Variants in ERC1 observed in about 807,000 individuals in gnomAD.
ERC1 encodes the protein ELKS/RAB6-interacting/CAST family member 1.
Under a neutral mutation model 132.0 loss-of-function variants are expected in ERC1, and 56 were observed. The ratio of observed to expected loss-of-function variants is 0.42; its 90% CI spans 0.34 to 0.53. ERC1 has a LOEUF of 0.53. Among genes scored for constraint, ERC1 ranks in the 20% least tolerant of loss-of-function variants. The pLI, the probability that ERC1 is intolerant of heterozygous loss-of-function variation, is 0.03. For synonymous variants in ERC1, 478 were observed against 476.1 expected (o/e 1.00, Z -0.05); for missense variants, 1,202 against 1,349.9 (o/e 0.89, Z 1.72).
At chr12:1,232,322 A>C (rs182551400) in intron 12 of ERC1, among the ~76,000 whole-genome samples, 5 of 152,340 alleles carry the variant, frequency 3.3e-5, no homozygotes, top group Non-Finnish European at 5.9e-5. Context: ...TTTGAGCTTC[A>C]TGAATCTAGA....
At chr12:1,323,845 A>G (rs2082274096) in intron 15 of ERC1, among the ~76,000 whole-genome samples, 1 of 152,110 alleles carries the variant, frequency 6.6e-6, no homozygotes, top group Non-Finnish European at 1.5e-5. Context: ...ACTACTCCTT[A>G]CCTTGAAAGC....
chr12:1,124,096 A>G (rs1172228415), intron 7 of ERC1, among the ~76,000 whole-genome samples: 1 of 152,240 alleles, frequency 6.6e-6, no homozygotes, highest in Non-Finnish European at 1.5e-5. Context: ...ATAAAGAAGC[A>G]TCAACATAAA....
intron 17 of ERC1, among the ~76,000 whole-genome samples, chr12:1,431,023 C>T (rs1208872056): frequency 6.6e-6 from 1 of 152,096 alleles, no homozygotes; most frequent in Non-Finnish European, 1.5e-5. Context: ...TAGAGAACAC[C>T]GTCTGAATGC....
At chr12:1,315,361 G>GT (rs1446841323) in intron 15 of ERC1, among the ~76,000 whole-genome samples, 2 of 151,400 alleles carry the variant, frequency 1.3e-5, no homozygotes, top group African/African-American at 4.9e-5. Context: ...GTTTTGTTTT[G>GT]TTTTTTTGAG....
intron 2 of ERC1, among the ~76,000 whole-genome samples, chr12:1,063,830 C>T (rs1235984686): frequency 1.3e-5 from 2 of 152,052 alleles, no homozygotes; most frequent in East Asian, 3.9e-4. Context: ...GTAGTGATAA[C>T]ATTTGACTAG....
intron 16 of ERC1, among the ~76,000 whole-genome samples, chr12:1,375,733 CTTTTTTTTTTT>C (rs35535185): frequency 9.3e-6 from 1 of 107,114 alleles, no homozygotes; most frequent in East Asian, 2.5e-4. Context: ...GCTCTTGTTC[CTTTTTTTTTTT>C]TTTTTTTTTT....
rs532047086 is a variant in ERC1, at chr12:1,326,471, A to G, written c.2780+36459A>G. ...TTCATCTGTGTCAAAAAAGGATGCA[A>G]ACTAAGTTTTGATCCTGCCTGATAG... On this transcript the variant is annotated intron_variant, in intron 15 of 18. Transcript: ENST00000360905. Among the ~76,000 whole-genome samples the G allele has an allele frequency of 2.7e-4, 41 of 152,284 alleles. No individual in the cohort carries two copies. In the South Asian group the frequency reaches 8.1e-3, roughly 30 times the overall value.
chr12:1,205,290 T>C (rs994432005), intron 12 of ERC1, among the ~76,000 whole-genome samples: 1 of 152,002 alleles, frequency 6.6e-6, no homozygotes, highest in African/African-American at 2.4e-5. Context: ...GGATTTCTGA[T>C]AGGATTCAGA....
At position 1,027,990 on chromosome 12, in the gene ERC1, C is replaced by T. The variant is rs1409545941; in HGVS notation, c.87C>T (p.Arg29=). The T allele has an allele frequency of 2.5e-6, 4 of 1,614,050 alleles. No individual in the cohort carries two copies. The highest frequency in any genetic ancestry group is 3.4e-6 in the Non-Finnish European group (4 of 1,180,048). Residue 29 remains arginine (R), a synonymous_variant, in exon 2 of 19, where the codon CGC becomes CGT. Transcript: ENST00000360905. ...GRSPRLPRSP[R]LGHRRTNSTG... ...CACCCAGGCTTCCACGTTCCCCTCG[C>T]TTGGGTCACCGTCGAACCAACAGTA...
intron 12 of ERC1, among the ~76,000 whole-genome samples, chr12:1,233,185 C>G (rs556020916): frequency 6.6e-6 from 1 of 151,966 alleles, no homozygotes; most frequent in East Asian, 1.9e-4. Context: ...GTGAGAAAAC[C>G]AAGGACCAGG....
chr12:1,483,973 C>A (rs1386517558), intron 18 of ERC1, among the ~76,000 whole-genome samples: 1 of 151,482 alleles, frequency 6.6e-6, no homozygotes, highest in Non-Finnish European at 1.5e-5. Context: ...GGATTATAGG[C>A]GTGAGCCGCT....
At chr12:1,360,759 A>G (rs962283192) in intron 15 of ERC1, among the ~76,000 whole-genome samples, 2 of 152,190 alleles carry the variant, frequency 1.3e-5, no homozygotes, top group Non-Finnish European at 2.9e-5. Flanking sequence ...TAAAGGAAGC[A>G]GCTAGATAAC....
chr12:1,100,294 TGA>T (rs1565964426), intron 3 of ERC1, among the ~76,000 whole-genome samples: 2 of 151,984 alleles, frequency 1.3e-5, no homozygotes, highest in African/African-American at 4.8e-5. Context: ...GCCGACTGGA[TGA>T]GAGAGAGGAG....
chr12:1,299,920 C>G (rs2080260594), intron 15 of ERC1, among the ~76,000 whole-genome samples: 1 of 151,964 alleles, frequency 6.6e-6, no homozygotes, highest in African/African-American at 2.4e-5. Flanking sequence ...AAAACTGGCT[C>G]AAGAAGGAAT....
chr12:1,444,622 C>T lies in ERC1; in HGVS notation c.3085C>T (p.His1029Tyr). 2 of 1,614,020 alleles carry T rather than the reference C, an allele frequency of 1.2e-6. No individual in the cohort carries two copies. The highest frequency in any genetic ancestry group is 1.7e-6 in the Non-Finnish European group (2 of 1,179,922). The change falls in exon 18 of 19, where the codon CAC becomes TAC. Residue 1029 changes from histidine (H) to tyrosine (Y), a missense_variant. By Grantham distance (83) the His-to-Tyr change is moderately conservative. Transcript: ENST00000360905. ...AAGTAAATTAAAGTTGTACATTGGA[C>T]ACCTGACAACCCTCTGCCATGACCG... is the stretch of plus-strand genomic sequence containing the variant. ...NRSKLKLYIG[H>Y]LTTLCHDRDP...
At chr12:1,051,387 T>C (rs16932152) in intron 2 of ERC1, among the ~76,000 whole-genome samples, 7,140 of 152,076 alleles carry the variant, frequency 0.047, 244 homozygotes, top group African/African-American at 0.087. Context: ...TATCTCGGTA[T>C]AATTAGAAAT....
At chr12:1,487,822 G>GAGAGAA (rs1555132989) in intron 18 of ERC1, among the ~76,000 whole-genome samples, 14 of 148,812 alleles carry the variant, frequency 9.4e-5, no homozygotes, top group South Asian at 4.2e-4. Flanking sequence ...GAGAGAGAGA[G>GAGAGAA]AGAAAGAAAA....
intron 15 of ERC1, among the ~76,000 whole-genome samples, chr12:1,355,973 A>G (rs184635170): frequency 6.6e-6 from 1 of 152,286 alleles, no homozygotes; most frequent in African/African-American, 2.4e-5. Flanking sequence ...TGGGAGGCCA[A>G]GGTGGGTGGA....
In ERC1 at chr12:1,235,285, G is replaced by A. The variant is rs543239596; in HGVS notation, c.2352-1484G>A. Among the ~76,000 whole-genome samples, 6 of 152,272 alleles carry A rather than the reference G, an allele frequency of 3.9e-5. No individual in the cohort carries two copies. The South Asian group carries it at 8.3e-4, about 21-fold the overall frequency. ...GAGGTGGGAGAATCACCTGAGCCTG[G>A]GGGGTCAAGGCTGCAGTGAGCGGAG... On this transcript the variant is annotated intron_variant, in intron 12 of 18. Coordinates refer to ENST00000360905, the MANE Select transcript of ERC1 (RefSeq NM_178040.4).
Sources: gnomAD v4.1 joint callset for allele counts (sites outside exome capture counted in the v4.1 genomes callset) on GRCh38, gnomAD v4.1.1 for gene constraint, MANE v1.5 for transcripts, NCBI Gene and HGNC (gene_info 2026-07-23, HGNC 2026-07-21) for gene names.